Variants in SAV1 observed in about 807,000 individuals in gnomAD.
SAV1 encodes the protein salvador family WW domain containing protein 1.
SAV1 carries 23 observed loss-of-function variants against 47.3 expected under a neutral mutation model. The ratio of observed to expected loss-of-function variants is 0.49; its 90% CI spans 0.35 to 0.69. SAV1 has a LOEUF of 0.69. Among genes scored for constraint, SAV1 ranks in the 30% least tolerant of loss-of-function variants. SAV1 has a pLI of 0.01. For missense variants in SAV1, 448 were observed against 457.4 expected, an observed-to-expected ratio of 0.98 and a Z score of 0.19; for synonymous variants, 155 against 159.2, an observed-to-expected ratio of 0.97 and a Z score of 0.20.
At chr14:50,659,421 C>T (rs2039840406) in intron 2 of SAV1, among the ~76,000 whole-genome samples, 1 of 152,170 alleles carries the variant, frequency 6.6e-6, no homozygotes, top group Non-Finnish European at 1.5e-5. Context: ...AAAATATTTT[C>T]CTTCTCTTTT....
intron 2 of SAV1, among the ~76,000 whole-genome samples, chr14:50,649,475 T>G (rs1188090838): frequency 2.6e-5 from 4 of 152,168 alleles, no homozygotes; most frequent in Non-Finnish European, 4.4e-5. Flanking sequence ...GATACACACA[T>G]CAATGAGACA....
At chr14:50,639,717 T>TATTTCTTAA (rs1258574640) in intron 4 of SAV1, among the ~76,000 whole-genome samples, 1 of 152,226 alleles carries the variant, frequency 6.6e-6, no homozygotes, top group Non-Finnish European at 1.5e-5. Flanking sequence ...AAGATTATGC[T>TATTTCTTAA]ATTTCTTATT....
rs3015442 is a variant in SAV1, at chr14:50,634,796, G to A, written c.*387C>T. 173,943 of 177,436 alleles carry A rather than the reference G, an allele frequency of 0.98. 85,286 individuals carry two copies. Among genetic ancestry groups the A allele is most frequent in the East Asian group, 1 (5,856 of 5,856 alleles). 11.0% of individuals were successfully genotyped at this position (177,436 alleles called of 1,614,324 possible). On this transcript the variant is annotated 3_prime_UTR_variant, in exon 5 of 5. Coordinates refer to ENST00000324679, the MANE Select transcript of SAV1 (RefSeq NM_021818.4). The stretch of plus-strand genomic sequence containing the variant: ...TCCAGACAATATTTCACACTACAGC[G>A]GTAAACTTTTTTTTTAAAAAAATAC...
Position 50,640,907 on chromosome 14 carries a change from A to ATGCCTGTATTGGGCCTTCTTATTTGT in SAV1, c.807-15_807-14insACAAATAAGAAGGCCCAATACAGGCA. On this transcript the variant is annotated splice_polypyrimidine_tract_variant and intron_variant, in intron 3 of 4. Coordinates refer to ENST00000324679, the MANE Select transcript of SAV1 (RefSeq NM_021818.4). ...TACCGAGGTACACTAAGAAGAAAGG[A>ATGCCTGTATTGGGCCTTCTTATTTGT]GTGACATTCTTTAGGATAAAGGTCT... is the stretch of plus-strand genomic sequence containing the variant. 6.3e-7 allele frequency: 1 copy of ATGCCTGTATTGGGCCTTCTTATTTGT among 1,588,798 alleles called. No homozygotes were observed. The highest frequency in any genetic ancestry group is 1.3e-5 in the African/African-American group (1 of 74,178).
intron 2 of SAV1, chr14:50,664,186 G>A (rs1232827239): frequency 2.0e-5 from 3 of 152,016 alleles, no homozygotes. Flanking sequence ...CACAAATAAG[G>A]TACTAGACAA....
At chr14:50,641,460 G>A (rs559062468) in intron 3 of SAV1, among the ~76,000 whole-genome samples, 9 of 152,130 alleles carry the variant, frequency 5.9e-5, no homozygotes, top group East Asian at 5.8e-4. Flanking sequence ...GATATTATAT[G>A]GGAAAGTGTA....
chr14:50,664,534 T>C (rs1377820460), intron 2 of SAV1: 1 of 152,214 alleles, frequency 6.6e-6, no homozygotes, highest in Non-Finnish European at 1.5e-5. Context: ...TTCAGAAGTA[T>C]CTCCAACTCA....
chr14:50,649,157 T>C (rs1240819070), intron 2 of SAV1, among the ~76,000 whole-genome samples: 1 of 152,204 alleles, frequency 6.6e-6, no homozygotes, highest in Non-Finnish European at 1.5e-5. Context: ...CTTGGCTCAC[T>C]CTCACCCTCT....
intron 4 of SAV1, among the ~76,000 whole-genome samples, chr14:50,637,015 A>T (rs1044516152): frequency 6.6e-6 from 1 of 152,214 alleles, no homozygotes; most frequent in Non-Finnish European, 1.5e-5. Flanking sequence ...ATGAGATTTT[A>T]AAAAAGGGAG....
At chr14:50,664,957 A>G (rs1195104955) in intron 2 of SAV1, 2 of 494,636 alleles carry the variant, frequency 4.0e-6, no homozygotes, top group Middle Eastern at 6.0e-4. Context: ...ATAAATACCA[A>G]GTTTACATAA....
Position 50,634,913 on chromosome 14 carries a change from T to C in SAV1, c.*270A>G, listed in dbSNP as rs1166112233. ...TATTTAACATCTGTTCATAATGACA[T>C]TTCCGCTGCGTTTTTTTCCATCAAG... On this transcript the variant is annotated 3_prime_UTR_variant, in exon 5 of 5. Coordinates refer to ENST00000324679, the MANE Select transcript of SAV1 (RefSeq NM_021818.4). The C allele has an allele frequency of 2.9e-6, 1 of 348,752 alleles. No individual in the cohort carries two copies. The highest frequency in any genetic ancestry group is 5.2e-6 in the Non-Finnish European group (1 of 191,782). 21.6% of individuals were successfully genotyped at this position (348,752 alleles called of 1,614,324 possible). A position where few individuals can be genotyped will look rare whatever the true frequency, so the allele number is the denominator to read the frequency against.
chr14:50,638,899 C>T (rs1486933330), intron 4 of SAV1, among the ~76,000 whole-genome samples: 2 of 152,178 alleles, frequency 1.3e-5, no homozygotes, highest in Admixed American at 6.5e-5. Context: ...TCCCGAGTAG[C>T]TGGGACTACA....
intron 2 of SAV1, chr14:50,662,916 G>A (rs552294046): frequency 9.1e-4 from 139 of 152,260 alleles, no homozygotes; most frequent in Middle Eastern, 3.4e-3. Flanking sequence ...ATTTATTTTT[G>A]TGAGCATCTC....
chr14:50,664,151 A>G (rs926686589), intron 2 of SAV1: 1 of 152,190 alleles, frequency 6.6e-6, no homozygotes, highest in Non-Finnish European at 1.5e-5. Flanking sequence ...TTCTGTGACC[A>G]TTGTGTATAG....
intron 3 of SAV1, 91 bp downstream of exon 3, chr14:50,644,653 G>A: frequency 8.2e-7 from 1 of 1,216,406 alleles, no homozygotes; most frequent in Non-Finnish European, 1.1e-6. Flanking sequence ...TCAAGCTTTA[G>A]GATGCTATTC....
intron 2 of SAV1, among the ~76,000 whole-genome samples, chr14:50,656,895 A>T (rs2039817326): frequency 6.6e-6 from 1 of 152,340 alleles, no homozygotes; most frequent in African/African-American, 2.4e-5. Context: ...GATCCAGAAG[A>T]TTAAAAAATA....
intron 2 of SAV1, among the ~76,000 whole-genome samples, chr14:50,653,591 C>T (rs137977966): frequency 6.6e-6 from 1 of 152,144 alleles, no homozygotes; most frequent in Non-Finnish European, 1.5e-5. Flanking sequence ...ATCTTTACGG[C>T]CGGACACGGT....
intron 2 of SAV1, among the ~76,000 whole-genome samples, chr14:50,649,262 G>A (rs2039747823): frequency 6.6e-6 from 1 of 152,106 alleles, no homozygotes. Flanking sequence ...TTTTTAAAAA[G>A]CACTTTAACC....
At chr14:50,656,832 C>T (rs1012790701) in intron 2 of SAV1, among the ~76,000 whole-genome samples, 9 of 152,020 alleles carry the variant, frequency 5.9e-5, no homozygotes, top group African/African-American at 1.9e-4. Flanking sequence ...GATAAATGTA[C>T]AGTACAAAAC....
Sources: gnomAD v4.1 joint callset for allele counts (sites outside exome capture counted in the v4.1 genomes callset) on GRCh38, gnomAD v4.1.1 for gene constraint, MANE v1.5 for transcripts, NCBI Gene and HGNC (gene_info 2026-07-23, HGNC 2026-07-21) for gene names.